Variants in ARL17B observed in about 807,000 individuals in gnomAD.
ARL17B encodes the protein ARF like GTPase 17B.
At chr17:46,319,261 T>TGG (rs2051280414) in intron 3 of ARL17B, among the ~76,000 whole-genome samples, 1 of 46,814 alleles carries the variant, frequency 2.1e-5, no homozygotes, top group East Asian at 3.5e-4. Context: ...CTATTTTTTT[T>TGG]GGTATTTGTT....
In ARL17B at chr17:46,338,638, T is replaced by TA. The variant is rs1476533991; in HGVS notation, c.*861dup. ...CTTTTAAGGAGTTTTCTGGAGGCTT[T>TA]ATCACGTAGGCATGATTGAGCTCCA... On this transcript the variant is annotated 3_prime_UTR_variant, in exon 4 of 4. Transcript: ENST00000450673. 1.4e-4 allele frequency among the ~76,000 whole-genome samples: 2 copies of TA among 14,076 alleles called. No homozygotes were observed. 9.2% of individuals were successfully genotyped at this position (14,076 alleles called of 152,430 possible). A position where few individuals can be genotyped will look rare whatever the true frequency, so the allele number is the denominator to read the frequency against.
intron 4 of ARL17B, among the ~76,000 whole-genome samples, chr17:46,281,354 C>T (rs2049757451): frequency 6.6e-6 from 1 of 151,684 alleles, no homozygotes; most frequent in South Asian, 2.1e-4. Flanking sequence ...ATTTAAAGTC[C>T]CGTGACTCGC....
chr17:46,290,154 G>A (rs566886143), intron 4 of ARL17B, among the ~76,000 whole-genome samples: 1 of 152,338 alleles, frequency 6.6e-6, no homozygotes, highest in African/African-American at 2.4e-5. Context: ...TTTGGAGACA[G>A]GGCCTCACTT....
At chr17:46,282,358 C>T (rs1049229929) in intron 4 of ARL17B, among the ~76,000 whole-genome samples, 6 of 151,860 alleles carry the variant, frequency 4.0e-5, no homozygotes, top group African/African-American at 1.5e-4. Context: ...CCCACTCGGC[C>T]TCCCAAAGTG....
At chr17:46,291,891 G>C (rs984131081) in intron 4 of ARL17B, among the ~76,000 whole-genome samples, 2 of 151,668 alleles carry the variant, frequency 1.3e-5, no homozygotes, top group Non-Finnish European at 2.9e-5. Flanking sequence ...ATCTGGGTAG[G>C]GGGAGGCTGC....
chr17:46,325,459 A>G lies in ARL17B; in HGVS notation c.260-25794T>C, dbSNP rs1260909636. ...TCATGTGTATTGAAAAATTATTCTC[A>G]AGTATACCTCAGGTCATTTACAGTC... On this transcript the variant is annotated intron_variant, in intron 3 of 4. Coordinates refer to the ARL17B transcript ENST00000434041. Among the ~76,000 whole-genome samples the G allele has an allele frequency of 1.0e-4, 8 of 78,746 alleles. 3 individuals are homozygous for G. Among genetic ancestry groups the G allele is most frequent in the African/African-American group, 2.6e-4 (8 of 30,870 alleles). The allele number at this position is 78,746 out of a possible 152,430, so 51.7% of individuals were successfully genotyped here.
At chr17:46,285,283 C>T (rs375820737) in intron 4 of ARL17B, among the ~76,000 whole-genome samples, 2 of 151,322 alleles carry the variant, frequency 1.3e-5, no homozygotes, top group Non-Finnish European at 1.5e-5. Context: ...CACTGTCACC[C>T]GAGCTGGAGT....
In ARL17B at chr17:46,314,753, T is replaced by C. The variant is rs1347805772; in HGVS notation, c.260-15088A>G. ...CCGTTGAATTTGGTTTGCCAGATTT[T>C]GTCAAGCATTTTTCCATCTACATTC... On this transcript the variant is annotated intron_variant, in intron 3 of 4. Coordinates refer to the ARL17B transcript ENST00000434041. Among the ~76,000 whole-genome samples the C allele has an allele frequency of 4.9e-5, 4 of 81,414 alleles. 2 individuals are homozygous for C. The highest frequency in any genetic ancestry group is 1.5e-4 in the Non-Finnish European group (4 of 26,806). The allele number at this position is 81,414 out of a possible 152,430, so 53.4% of individuals were successfully genotyped here. A position where few individuals can be genotyped will look rare whatever the true frequency, so the allele number is the denominator to read the frequency against.
chr17:46,281,094 T>A (rs1346471352), intron 4 of ARL17B, among the ~76,000 whole-genome samples: 1 of 152,212 alleles, frequency 6.6e-6, no homozygotes, highest in Admixed American at 6.5e-5. Flanking sequence ...ATTCTTGTTT[T>A]ATAGATTGTC....
chr17:46,324,779 G>C lies in ARL17B; in HGVS notation c.260-25114C>G, dbSNP rs1271239075. ...CACTTGAACCCAGGAAGTGGAGGTT[G>C]CAGTGAGCCAAGATGGCACCACTGC... On this transcript the variant is annotated intron_variant, in intron 3 of 4. Transcript: ENST00000434041. Among the ~76,000 whole-genome samples the C allele has an allele frequency of 2.6e-5, 2 of 75,864 alleles. 1 individual carries two copies. Among genetic ancestry groups the C allele is most frequent in the Non-Finnish European group, 7.8e-5 (2 of 25,562 alleles). 49.8% of individuals were successfully genotyped at this position (75,864 alleles called of 152,430 possible).
intron 4 of ARL17B, among the ~76,000 whole-genome samples, chr17:46,280,395 C>A (rs2532324): frequency 0.12 from 18,668 of 149,880 alleles, 2 homozygotes; most frequent in Middle Eastern, 0.19. Context: ...AATTTCTAGC[C>A]CAGTGCAGTG....
chr17:46,275,967 T>G (rs1240800281), intron 4 of ARL17B, among the ~76,000 whole-genome samples: 1 of 152,198 alleles, frequency 6.6e-6, no homozygotes, highest in African/African-American at 2.4e-5. Context: ...CTTGGCTCAC[T>G]GCAACCTCTG....
intron 4 of ARL17B, among the ~76,000 whole-genome samples, chr17:46,290,409 G>A (rs1456237846): frequency 6.6e-6 from 1 of 152,096 alleles, no homozygotes; most frequent in African/African-American, 2.4e-5. Flanking sequence ...TACAGGCTGT[G>A]AGCCACAACT....
At chr17:46,308,151 T>C (rs1176933320) in intron 3 of ARL17B, among the ~76,000 whole-genome samples, 2 of 50,536 alleles carry the variant, frequency 4.0e-5, no homozygotes, top group African/African-American at 9.7e-5. Context: ...ATTCAGAGTG[T>C]CATGTCCATT....
intron 3 of ARL17B, among the ~76,000 whole-genome samples, chr17:46,314,857 AAGTT>A (rs2050987678): frequency 1.2e-5 from 1 of 81,484 alleles, no homozygotes; most frequent in South Asian, 5.4e-4. Context: ...CTCATAGAAT[AAGTT>A]AGGAAATGTT....
At chr17:46,289,441 G>C (rs1472033356) in intron 4 of ARL17B, among the ~76,000 whole-genome samples, 1 of 152,102 alleles carries the variant, frequency 6.6e-6, no homozygotes, top group Non-Finnish European at 1.5e-5. Flanking sequence ...AAAGTGCTGG[G>C]ATGACAGTTA....
At chr17:46,316,903 CAT>C (rs1239089032) in intron 3 of ARL17B, among the ~76,000 whole-genome samples, 1 of 101,108 alleles carries the variant, frequency 9.9e-6, no homozygotes, top group Admixed American at 1.0e-4. Context: ...GGACACAGCA[CAT>C]GTTTCAGAGA....
chr17:46,340,175 G>A (rs2911775), intron 3 of ARL17B, among the ~76,000 whole-genome samples: 2 of 103,192 alleles, frequency 1.9e-5, no homozygotes, highest in African/African-American at 6.1e-5. Flanking sequence ...CAGAGAAAAG[G>A]TATCCACAGG....
At chr17:46,276,894 C>T (rs1416907306) in intron 4 of ARL17B, among the ~76,000 whole-genome samples, 1 of 151,610 alleles carries the variant, frequency 6.6e-6, no homozygotes, top group Non-Finnish European at 1.5e-5. Context: ...GCCTCAACCT[C>T]CAGGGCTCAG....
Sources: allele counts gnomAD v4.1 joint callset (sites outside exome capture counted in the v4.1 genomes callset), GRCh38; gene constraint gnomAD v4.1.1; transcripts MANE v1.5; gene names NCBI Gene and HGNC (gene_info 2026-07-23, HGNC 2026-07-21).